Variants in FAM135B observed in about 807,000 individuals in gnomAD.
The protein encoded by FAM135B is family with sequence similarity 135 member B, also known as protein FAM135B.
Under a neutral mutation model 127.7 loss-of-function variants are expected in FAM135B, and 43 were observed. The ratio of observed to expected loss-of-function variants is 0.34; its 90% CI spans 0.26 to 0.43. FAM135B has a LOEUF of 0.43. FAM135B is among the 20% of genes least tolerant of loss of function. The pLI, the probability that FAM135B is intolerant of heterozygous loss-of-function variation, is 1.00. For missense variants in FAM135B, 1,558 were observed against 1,725.6 expected (o/e 0.90, Z 1.72); for synonymous variants, 670 against 665.1 (o/e 1.01, Z -0.11).
At chr8:138,485,956 C>T (rs1382718708) in intron 1 of FAM135B, among the ~76,000 whole-genome samples, 1 of 151,922 alleles carries the variant, frequency 6.6e-6, no homozygotes, top group Non-Finnish European at 1.5e-5. Context: ...AAGGTGGGAT[C>T]CAGGATGGTT....
chr8:138,422,769 T>C (rs1834589577), intron 1 of FAM135B, among the ~76,000 whole-genome samples: 4 of 152,324 alleles, frequency 2.6e-5, no homozygotes, highest in African/African-American at 9.6e-5. Flanking sequence ...TGGGTGTATA[T>C]CCAATTGAAT....
intron 7 of FAM135B, among the ~76,000 whole-genome samples, chr8:138,225,096 C>T (rs1819313230): frequency 6.6e-6 from 1 of 152,056 alleles, no homozygotes; most frequent in Non-Finnish European, 1.5e-5. Context: ...AACATTCTTA[C>T]CACAAAGTAA....
intron 13 of FAM135B, chr8:138,148,910 C>T (rs1759552245): frequency 2.0e-5 from 4 of 197,354 alleles, no homozygotes; most frequent in Non-Finnish European, 3.8e-5. Context: ...TGTTCTCACT[C>T]ATAGGTGGGA....
At position 138,295,783 on chromosome 8, in the gene FAM135B, T is replaced by C. The variant is rs181894548; in HGVS notation, c.157+15058A>G. ...CAGATGAAATATTAAGGAAAGATTA[T>C]GTCTTTTAAAGCAAGATTATTCCTG... On this transcript the variant is annotated intron_variant, in intron 3 of 19. Transcript: ENST00000395297. Among the ~76,000 whole-genome samples, 127 of 152,348 alleles carry C rather than the reference T, an allele frequency of 8.3e-4. 3 individuals carry two copies. The highest frequency in any genetic ancestry group is 5.0e-3 in the South Asian group (24 of 4,830).
chr8:138,322,844 G>C (rs1381350377), intron 2 of FAM135B, among the ~76,000 whole-genome samples: 1 of 152,200 alleles, frequency 6.6e-6, no homozygotes, highest in Non-Finnish European at 1.5e-5. Context: ...GACAAGGGAA[G>C]ACACTGTGAT....
chr8:138,217,509 C>A (rs1818650598), intron 7 of FAM135B, among the ~76,000 whole-genome samples: 2 of 148,962 alleles, frequency 1.3e-5, no homozygotes, highest in South Asian at 4.2e-4. Context: ...CGGCTCACTG[C>A]AAGCTCCGCC....
intron 1 of FAM135B, among the ~76,000 whole-genome samples, chr8:138,397,347 G>T (rs1832908456): frequency 6.6e-6 from 1 of 152,138 alleles, no homozygotes; most frequent in Non-Finnish European, 1.5e-5. Flanking sequence ...GTAAGCCCAG[G>T]GCCATGGACA....
intron 1 of FAM135B, among the ~76,000 whole-genome samples, chr8:138,400,638 T>C (rs897566992): frequency 6.6e-6 from 1 of 152,130 alleles, no homozygotes; most frequent in African/African-American, 2.4e-5. Context: ...ATCCCCTGTA[T>C]TCCCTTAGCA....
intron 3 of FAM135B, among the ~76,000 whole-genome samples, chr8:138,266,172 C>A (rs1822905730): frequency 6.6e-6 from 1 of 152,098 alleles, no homozygotes; most frequent in Admixed American, 6.5e-5. Flanking sequence ...TGAAGCATTC[C>A]ATAAACCTCC....
At chr8:138,466,669 T>C (rs920900304) in intron 1 of FAM135B, among the ~76,000 whole-genome samples, 2 of 152,220 alleles carry the variant, frequency 1.3e-5, no homozygotes, top group Admixed American at 1.3e-4. Context: ...GACAAATTAA[T>C]AATCTATGCC....
chr8:138,406,559 C>T (rs934499081), intron 1 of FAM135B, among the ~76,000 whole-genome samples: 22 of 152,158 alleles, frequency 1.4e-4, no homozygotes, highest in Non-Finnish European at 2.4e-4. Flanking sequence ...AGCTTATCCA[C>T]CATGATCAAG....
chr8:138,407,432 AAG>A (rs1833581512), intron 1 of FAM135B, among the ~76,000 whole-genome samples: 1 of 152,222 alleles, frequency 6.6e-6, no homozygotes, highest in African/African-American at 2.4e-5. Context: ...GGAACCAAAA[AAG>A]AGCCCACATC....
chr8:138,173,513 A>C (rs1211084361), intron 11 of FAM135B, among the ~76,000 whole-genome samples: 1 of 152,090 alleles, frequency 6.6e-6, no homozygotes, highest in Non-Finnish European at 1.5e-5. Flanking sequence ...CTTCTTCTTT[A>C]AAGTGGGGAG....
intron 2 of FAM135B, among the ~76,000 whole-genome samples, chr8:138,359,302 C>G (rs1170790222): frequency 1.3e-5 from 2 of 152,138 alleles, no homozygotes; most frequent in Non-Finnish European, 2.9e-5. Flanking sequence ...GATCAATATC[C>G]TACATCAAAC....
Position 138,187,383 on chromosome 8 carries a change from C to T in FAM135B, c.873+7875G>A, listed in dbSNP as rs184041745. 4.2e-3 allele frequency among the ~76,000 whole-genome samples: 636 copies of T among 152,278 alleles called. 20 individuals carry two copies. The highest frequency in any genetic ancestry group is 0.04 in the Admixed American group (617 of 15,294). Reference sequence around the variant, plus strand: ...CCAGGAGGGATGGAGAGTTCCACACCTTTAAAAGTCTGAAAATGAACATGT... The same window carrying T: ...CCAGGAGGGATGGAGAGTTCCACACTTTTAAAAGTCTGAAAATGAACATGT... On this transcript the variant is annotated intron_variant, in intron 9 of 19. Coordinates refer to ENST00000395297, the MANE Select transcript of FAM135B (RefSeq NM_015912.4).
At chr8:138,419,863 T>C (rs1834384842) in intron 1 of FAM135B, among the ~76,000 whole-genome samples, 1 of 152,082 alleles carries the variant, frequency 6.6e-6, no homozygotes, top group Non-Finnish European at 1.5e-5. Context: ...AGAAAGTTAA[T>C]AGTGCTAAAC....
At chr8:138,145,841 T>C (rs1817606794) in intron 15 of FAM135B, 118 bp downstream of exon 15, 1 of 594,112 alleles carries the variant, frequency 1.7e-6, no homozygotes, top group Admixed American at 3.0e-5. Context: ...CTGGCCAGCA[T>C]CTCTTTTCAA....
intron 7 of FAM135B, among the ~76,000 whole-genome samples, chr8:138,238,720 C>T (rs1039656193): frequency 4.6e-5 from 7 of 152,304 alleles, no homozygotes; most frequent in East Asian, 1.9e-4. Flanking sequence ...TTTGTTAATG[C>T]GCTGGGCTTC....
At chr8:138,233,951 T>C (rs553214959) in intron 7 of FAM135B, among the ~76,000 whole-genome samples, 1 of 152,294 alleles carries the variant, frequency 6.6e-6, no homozygotes, top group African/African-American at 2.4e-5. Flanking sequence ...TCACTAATTA[T>C]TAAGGAAGTG....
Sources: gnomAD v4.1 joint callset for allele counts (sites outside exome capture counted in the v4.1 genomes callset) on GRCh38, gnomAD v4.1.1 for gene constraint, MANE v1.5 for transcripts, NCBI Gene and HGNC (gene_info 2026-07-23, HGNC 2026-07-21) for gene names.